Variants in HK1 observed in about 807,000 individuals in gnomAD.
HK1 encodes the protein hexokinase-1.
Under a neutral mutation model 91.6 loss-of-function variants are expected in HK1, and 28 were observed. The observed-to-expected ratio is 0.31, with a 90% CI of 0.23 to 0.42. HK1 has a LOEUF of 0.42. HK1 is among the 10% of genes least tolerant of loss of function. The probability of loss-of-function intolerance (pLI) is 1.00; values close to 1 mark genes in which losing one functional copy is unlikely to be tolerated. For synonymous variants in HK1, 430 were observed against 468.1 expected (o/e 0.92, Z 1.05); for missense variants, 770 against 1,219.8 (o/e 0.63, Z 5.49).
chr10:69,372,857 GTTT>G (rs139153331), intron 7 of HK1, among the ~76,000 whole-genome samples: 5,475 of 149,360 alleles, frequency 0.037, 167 homozygotes, highest in African/African-American at 0.078. Flanking sequence ...TTTAACCAGG[GTTT>G]TTTTTTTGTT....
At chr10:69,273,562 G>A (rs1020577348) in intron 1 of HK1, among the ~76,000 whole-genome samples, 4 of 152,098 alleles carry the variant, frequency 2.6e-5, no homozygotes, top group Non-Finnish European at 5.9e-5. Flanking sequence ...ATGTTGGCCA[G>A]GCTGGTGTCG....
upstream of HK1, among the ~76,000 whole-genome samples, chr10:69,313,850 A>G (rs948491535): frequency 2.6e-5 from 4 of 152,186 alleles, no homozygotes; most frequent in Non-Finnish European, 4.4e-5. Flanking sequence ...ACAAATTTAT[A>G]AAACATCAGG....
intron 2 of HK1, among the ~76,000 whole-genome samples, chr10:69,346,005 C>T (rs1311003708): frequency 6.6e-6 from 1 of 152,120 alleles, no homozygotes; most frequent in Non-Finnish European, 1.5e-5. Flanking sequence ...TGCAATGGTC[C>T]CTACAGCCCC....
chr10:69,295,168 G>A (rs139632825), intron 3 of HK1, among the ~76,000 whole-genome samples: 6 of 152,306 alleles, frequency 3.9e-5, no homozygotes, highest in African/African-American at 9.6e-5. Flanking sequence ...CATCAGGGAA[G>A]CATTGCATCT....
chr10:69,300,406 A>T (rs1589451457), intron 4 of HK1: 1 of 620,424 alleles, frequency 1.6e-6, no homozygotes, highest in East Asian at 3.1e-5. Flanking sequence ...GAGGCATTTT[A>T]TTTGTAAATA....
chr10:69,275,569 G>C (rs538712339), intron 1 of HK1, among the ~76,000 whole-genome samples: 7 of 152,224 alleles, frequency 4.6e-5, no homozygotes. Context: ...CATATGATCT[G>C]TGCTGTTGTA....
chr10:69,397,239 C>T (rs73274847), intron 16 of HK1, among the ~76,000 whole-genome samples: 3,627 of 152,156 alleles, frequency 0.024, 108 homozygotes, highest in African/African-American at 0.069. Context: ...TTGTTTTCCA[C>T]AGTGGCTGTA....
At chr10:69,274,838 C>T (rs1375130146) in intron 1 of HK1, among the ~76,000 whole-genome samples, 6 of 152,106 alleles carry the variant, frequency 3.9e-5, no homozygotes, top group African/African-American at 1.4e-4. Context: ...AGCCAGCTCA[C>T]ATGACCATAA....
intron 13 of HK1, among the ~76,000 whole-genome samples, chr10:69,387,884 T>G (rs1326839954): frequency 4.1e-5 from 6 of 145,046 alleles, no homozygotes; most frequent in African/African-American, 1.7e-4. Flanking sequence ...ATTTTTTTTT[T>G]GACTTTTTTT....
intron 2 of HK1, among the ~76,000 whole-genome samples, chr10:69,346,643 G>A (rs1263167812): frequency 2.0e-5 from 3 of 151,598 alleles, no homozygotes; most frequent in Admixed American, 1.3e-4. Context: ...TGGGATTACA[G>A]GCGTGAGCCA....
chr10:69,291,642 T>C (rs114915086), intron 3 of HK1, among the ~76,000 whole-genome samples: 1 of 152,168 alleles, frequency 6.6e-6, no homozygotes, highest in African/African-American at 2.4e-5. Context: ...CTACCCACCA[T>C]CAAGCTCAAG....
chr10:69,280,207 G>T (rs1159704423), intron 1 of HK1, among the ~76,000 whole-genome samples: 1 of 152,118 alleles, frequency 6.6e-6, no homozygotes, highest in Non-Finnish European at 1.5e-5. Context: ...CGCCTCCTGG[G>T]CTCACGCCAT....
At chr10:69,338,341 A>G (rs1848104884) in intron 1 of HK1, 1 of 1,186,392 alleles carries the variant, frequency 8.4e-7, no homozygotes, top group Non-Finnish European at 1.1e-6. Flanking sequence ...TCGGTGTCTG[A>G]TGTCTGGTGT....
At chr10:69,360,133 C>A in intron 3 of HK1, 88 bp downstream of exon 3, 1 of 1,290,288 alleles carries the variant, frequency 7.8e-7, no homozygotes, top group South Asian at 1.2e-5. Context: ...ACTGGCATCC[C>A]AAGCCCCTGG....
chr10:69,368,548 A>T lies in HK1; in HGVS notation c.508A>T (p.Thr170Ser). The T allele has an allele frequency of 6.2e-7, 1 of 1,614,114 alleles. No homozygotes were observed. The highest frequency in any genetic ancestry group is 2.2e-5 in the East Asian group (1 of 44,886). ...QSKIDEAILITWTKRFKASGV... is the reference protein window; with the variant it reads ...QSKIDEAILISWTKRFKASGV... Reference sequence around the variant, plus strand: ...TTCTTCTTTGCAGGCCATCCTGATCACCTGGACAAAGCGATTTAAAGCGAG... The same window carrying T: ...TTCTTCTTTGCAGGCCATCCTGATCTCCTGGACAAAGCGATTTAAAGCGAG... Residue 170 changes from threonine to serine, a missense_variant, in exon 5 of 18, where the codon ACC becomes TCC. Thr to Ser is a moderately conservative substitution (Grantham distance 58, BLOSUM62 1). Coordinates refer to ENST00000359426, the MANE Select transcript of HK1 (RefSeq NM_000188.3).
rs1840076685 is a variant in HK1, at chr10:69,395,103, GA to G, written c.2374del (p.Ser792ValfsTer4). The G allele has an allele frequency of 6.2e-7, 1 of 1,613,592 alleles. No homozygotes were observed. Among genetic ancestry groups the G allele is most frequent in the Non-Finnish European group, 8.5e-7 (1 of 1,179,832 alleles). On this transcript the variant is annotated frameshift_variant and splice_region_variant, in exon 16 of 18. Transcript: ENST00000359426. LOFTEE classifies it high-confidence loss of function. ...FETKFLSQIE[S>X]DRLALLQVRA... ...AGACCAAGTTTCTCTCTCAGATCGA[GA>G]GGTGAGTGGGCAGTGTCTTCCCTGC... is the stretch of plus-strand genomic sequence containing the variant.
At chr10:69,376,011 G>T (rs370854791) in intron 7 of HK1, among the ~76,000 whole-genome samples, 1 of 152,172 alleles carries the variant, frequency 6.6e-6, no homozygotes, top group Non-Finnish European at 1.5e-5. Flanking sequence ...TAACATCAGT[G>T]GGGGAGGAGT....
chr10:69,383,732 C>A (rs4745984), intron 10 of HK1, among the ~76,000 whole-genome samples: 16,247 of 152,276 alleles, frequency 0.11, 1,469 homozygotes, highest in East Asian at 0.32. Context: ...GGTGCAGGGG[C>A]CCCTGGCCCT....
At chr10:69,395,629 G>A (rs1840100904) in intron 16 of HK1, among the ~76,000 whole-genome samples, 2 of 152,090 alleles carry the variant, frequency 1.3e-5, no homozygotes, top group South Asian at 4.2e-4. Flanking sequence ...CCTTTATGTT[G>A]GGGCATTATA....
Sources: allele counts gnomAD v4.1 joint callset (sites outside exome capture counted in the v4.1 genomes callset), GRCh38; gene constraint gnomAD v4.1.1; transcripts MANE v1.5; gene names NCBI Gene and HGNC (gene_info 2026-07-23, HGNC 2026-07-21).